Variants in SCHIP1 observed in about 807,000 individuals in gnomAD.
SCHIP1 encodes the protein schwannomin interacting protein 1.
SCHIP1 carries 8 observed loss-of-function variants against 29.7 expected under a neutral mutation model. That is an observed-to-expected ratio of 0.27 (90% CI 0.16 to 0.49). SCHIP1 has a LOEUF of 0.49. Among genes scored for constraint, SCHIP1 ranks in the 20% least tolerant of loss-of-function variants. The pLI, the probability that SCHIP1 is intolerant of heterozygous loss-of-function variation, is 0.99. For synonymous variants in SCHIP1, 76 were observed against 94.9 expected (o/e 0.80, Z 1.16); for missense variants, 193 against 294.6 (o/e 0.66, Z 2.52).
the SCHIP1 span, among the ~76,000 whole-genome samples, chr3:159,300,524 C>T: frequency 2.6e-5 from 4 of 152,116 alleles, no homozygotes; most frequent in Non-Finnish European, 5.9e-5. Flanking sequence ...TCTTCTGCTC[C>T]TCTCCTGCAC....
the SCHIP1 span, among the ~76,000 whole-genome samples, chr3:159,599,893 G>A: frequency 6.6e-6 from 1 of 151,894 alleles, no homozygotes; most frequent in Non-Finnish European, 1.5e-5. Flanking sequence ...AGCAGTTCTT[G>A]CAGGGTCAGT....
chr3:159,555,919 G>T, the SCHIP1 span, among the ~76,000 whole-genome samples: 3 of 152,118 alleles, frequency 2.0e-5, no homozygotes, highest in East Asian at 5.8e-4. Flanking sequence ...GCCTGTTGAG[G>T]GGTGGAGGGC....
the SCHIP1 span, among the ~76,000 whole-genome samples, chr3:159,584,331 T>C: frequency 1.3e-5 from 2 of 152,198 alleles, no homozygotes; most frequent in Non-Finnish European, 2.9e-5. Flanking sequence ...TTTTAAAAGG[T>C]AATATGTCAA....
the SCHIP1 span, among the ~76,000 whole-genome samples, chr3:159,381,473 A>G: frequency 5.9e-5 from 9 of 152,330 alleles, no homozygotes; most frequent in East Asian, 5.8e-4. Flanking sequence ...CTTATATCAC[A>G]TATCTAATCA....
chr3:159,400,504 AAGG>A, the SCHIP1 span, among the ~76,000 whole-genome samples: 2 of 152,182 alleles, frequency 1.3e-5, no homozygotes, highest in Non-Finnish European at 2.9e-5. Flanking sequence ...CCTTTTGATG[AAGG>A]AGAAGAGTTA....
At chr3:159,536,386 GTTAT>G in the SCHIP1 span, among the ~76,000 whole-genome samples, 1 of 152,134 alleles carries the variant, frequency 6.6e-6, no homozygotes, top group Non-Finnish European at 1.5e-5. Context: ...TTCATCCCAA[GTTAT>G]TTGTTTCCTA....
chr3:159,713,435 A>C, the SCHIP1 span, among the ~76,000 whole-genome samples: 1 of 152,212 alleles, frequency 6.6e-6, no homozygotes, highest in Non-Finnish European at 1.5e-5. Context: ...TATGAATAAC[A>C]GTGTCTATAG....
At chr3:159,752,409 C>T in the SCHIP1 span, among the ~76,000 whole-genome samples, 2 of 151,986 alleles carry the variant, frequency 1.3e-5, no homozygotes, top group African/African-American at 4.8e-5. Flanking sequence ...ATTATACCCT[C>T]TTTTATTCAC....
chr3:159,381,451 G>A, the SCHIP1 span, among the ~76,000 whole-genome samples: 88 of 152,008 alleles, frequency 5.8e-4, 1 homozygote, highest in Non-Finnish European at 1.1e-3. Context: ...AGTCATCCTC[G>A]ACACCTTTTG....
chr3:159,604,908 C>T, the SCHIP1 span, among the ~76,000 whole-genome samples: 7 of 152,166 alleles, frequency 4.6e-5, no homozygotes, highest in South Asian at 2.1e-4. Flanking sequence ...CATAACCTCA[C>T]GCCACTAAAA....
the SCHIP1 span, among the ~76,000 whole-genome samples, chr3:159,545,935 A>G: frequency 2.0e-5 from 3 of 151,630 alleles, no homozygotes; most frequent in Non-Finnish European, 4.4e-5. Context: ...TCTTTTAAAC[A>G]TTTTTTCAAA....
the SCHIP1 span, among the ~76,000 whole-genome samples, chr3:159,572,503 C>CT: frequency 6.6e-6 from 1 of 152,146 alleles, no homozygotes; most frequent in African/African-American, 2.4e-5. Flanking sequence ...GATTTCTGTT[C>CT]TTTTACATTT....
At chr3:159,273,612 A>C in the SCHIP1 span, 1 of 1,300,498 alleles carries the variant, frequency 7.7e-7, no homozygotes, top group Non-Finnish European at 9.8e-7. Context: ...CAATACTTGA[A>C]GATTTCTGCT....
the SCHIP1 span, among the ~76,000 whole-genome samples, chr3:159,738,782 G>A: frequency 6.6e-6 from 1 of 152,188 alleles, no homozygotes; most frequent in East Asian, 1.9e-4. Flanking sequence ...GTGAGAGAGA[G>A]AAACTGTGTG....
the SCHIP1 span, among the ~76,000 whole-genome samples, chr3:159,672,384 T>C: frequency 1.3e-5 from 2 of 152,250 alleles, no homozygotes; most frequent in Admixed American, 1.3e-4. Flanking sequence ...TCTGCTGCCA[T>C]GCAAGGCAGT....
At chr3:159,810,696 G>T in the SCHIP1 span, among the ~76,000 whole-genome samples, 1 of 152,078 alleles carries the variant, frequency 6.6e-6, no homozygotes, top group African/African-American at 2.4e-5. Context: ...TTATATTTTG[G>T]TCGTCCATTT....
At chr3:159,658,879 A>G in the SCHIP1 span, among the ~76,000 whole-genome samples, 5 of 152,178 alleles carry the variant, frequency 3.3e-5, no homozygotes, top group Non-Finnish European at 5.9e-5. Context: ...CATTTTAGTT[A>G]TAGGAGCCAA....
the SCHIP1 span, among the ~76,000 whole-genome samples, chr3:159,506,382 G>C: frequency 1.3e-5 from 2 of 152,186 alleles, no homozygotes; most frequent in Non-Finnish European, 2.9e-5. Flanking sequence ...TGTCAGATGA[G>C]TAGATTGCAA....
the SCHIP1 span, among the ~76,000 whole-genome samples, chr3:159,424,635 G>A: frequency 2.0e-5 from 3 of 152,184 alleles, no homozygotes; most frequent in African/African-American, 7.2e-5. Context: ...TTATCCAGGA[G>A]AACTTCCCCA....
Sources: allele counts gnomAD v4.1 joint callset (sites outside exome capture counted in the v4.1 genomes callset), GRCh38; gene constraint gnomAD v4.1.1; transcripts MANE v1.5; gene names NCBI Gene and HGNC (gene_info 2026-07-23, HGNC 2026-07-21).